IWS1: variants seen among roughly 807,000 people sequenced by gnomAD.
The protein encoded by IWS1 is protein IWS1 homolog.
In IWS1, 27 loss-of-function variants were observed where a neutral mutation model predicts 86.7. That is an observed-to-expected ratio of 0.31 (90% CI 0.23 to 0.43). The LOEUF (loss-of-function observed/expected upper bound fraction) is 0.43, where lower values mean the gene tolerates loss of function less well. Among genes scored for constraint, IWS1 ranks in the 20% least tolerant of loss-of-function variants. IWS1 has a pLI of 1.00. For missense variants in IWS1, 827 were observed against 1,000.8 expected, an observed-to-expected ratio of 0.83 and a Z score of 2.34; for synonymous variants, 313 against 335.1, an observed-to-expected ratio of 0.93 and a Z score of 0.72.
intron 2 of IWS1, among the ~76,000 whole-genome samples, chr2:127,512,533 C>T (rs2679409): frequency 0.87 from 132,682 of 152,254 alleles, 58,084 homozygotes; most frequent in East Asian, 1. Flanking sequence ...CTAGCCACAA[C>T]AATCATTCCT....
chr2:127,486,572 A>G lies in IWS1; in HGVS notation c.2309T>C (p.Val770Ala). 6.2e-7 allele frequency: 1 copy of G among 1,613,852 alleles called. No individual in the cohort carries two copies. Among genetic ancestry groups the G allele is most frequent in the Non-Finnish European group, 8.5e-7 (1 of 1,179,768 alleles). The change falls in exon 13 of 14, where the codon GTG becomes GCG. Residue 770 changes from valine to alanine, a missense_variant. Coordinates refer to ENST00000295321, the MANE Select transcript of IWS1 (RefSeq NM_017969.3). ...KDYVVRPKWN[V>A]EMESSRFQAT... ...GCTTACCCTGGATGACTCCATTTCC[A>G]CATTCCATTTGGGCCTGACAACATA...
At chr2:127,515,690 AC>A (rs1194717575) in intron 2 of IWS1, among the ~76,000 whole-genome samples, 1 of 152,222 alleles carries the variant, frequency 6.6e-6, no homozygotes, top group East Asian at 1.9e-4. Context: ...AATGGTCCTA[AC>A]GGCAAAGGGC....
intron 2 of IWS1, among the ~76,000 whole-genome samples, chr2:127,521,579 T>TA (rs1457746590): frequency 1.3e-4 from 20 of 152,178 alleles, no homozygotes; most frequent in Admixed American, 1.3e-3. Flanking sequence ...TCCAAACACT[T>TA]ACAGAGGTAA....
chr2:127,493,072 T>C (rs1371482256), intron 9 of IWS1: 1 of 395,856 alleles, frequency 2.5e-6, no homozygotes, highest in African/African-American at 2.1e-5. Flanking sequence ...TACTCTAAGA[T>C]TTTTTCCCTT....
chr2:127,520,296 G>A (rs938996204), intron 2 of IWS1, among the ~76,000 whole-genome samples: 1 of 152,094 alleles, frequency 6.6e-6, no homozygotes, highest in African/African-American at 2.4e-5. Flanking sequence ...AGCCTCCTAG[G>A]TAGCTGGGAC....
chr2:127,526,500 C>T (rs1369629972), upstream of IWS1: 2 of 1,503,774 alleles, frequency 1.3e-6, no homozygotes, highest in East Asian at 2.7e-5. Context: ...GCCCACGACC[C>T]TCAAAGGAAT....
chr2:127,482,333 C>G (rs1301253053), intron 13 of IWS1: 1 of 152,150 alleles, frequency 6.6e-6, no homozygotes, highest in Non-Finnish European at 1.5e-5. Flanking sequence ...CATTCTTGAC[C>G]AAGAGCCATG....
chr2:127,480,864 C>A lies in IWS1; in HGVS notation c.*180G>T. On this transcript the variant is annotated 3_prime_UTR_variant, in exon 14 of 14. Transcript: ENST00000295321. Reference sequence around the variant, plus strand: ...GTTTATAGAAGTATGACTAGTATTCCTTTGTACAAAGTACACAACGGTTTT... The same window carrying A: ...GTTTATAGAAGTATGACTAGTATTCATTTGTACAAAGTACACAACGGTTTT... 1 of 581,242 alleles carries A rather than the reference C, an allele frequency of 1.7e-6. No individual in the cohort carries two copies. The allele number at this position is 581,242 out of a possible 1,614,324, so 36.0% of individuals were successfully genotyped here. A position where few individuals can be genotyped will look rare whatever the true frequency, so the allele number is the denominator to read the frequency against.
At position 127,496,099 on chromosome 2, in the gene IWS1, T is replaced by G; in HGVS notation, c.1615A>C (p.Met539Leu). ...FEMMLQRKKS[M>L]SGKRRRNRDG... ...CGGTTCCGTCTGCGCTTGCCACTCA[T>G]GCTCTTTTTTCGCTGCAACATCATC... The change falls in exon 7 of 14, where the codon ATG becomes CTG. Residue 539 changes from methionine to leucine, a missense_variant. Met to Leu is a conservative substitution (Grantham distance 15). Around this residue, in one of 2 missense-constraint regions of IWS1, gnomAD observed 279 missense variants for 440.6 expected, o/e 0.63. Coordinates refer to ENST00000295321, the MANE Select transcript of IWS1 (RefSeq NM_017969.3). 1 of 1,614,044 alleles carries G rather than the reference T, an allele frequency of 6.2e-7. No homozygotes were observed. The highest frequency in any genetic ancestry group is 8.5e-7 in the Non-Finnish European group (1 of 1,180,000).
At chr2:127,511,722 G>A (rs750159702) in intron 2 of IWS1, among the ~76,000 whole-genome samples, 1 of 152,052 alleles carries the variant, frequency 6.6e-6, no homozygotes, top group South Asian at 2.1e-4. Context: ...AACCCCACAA[G>A]CAATGCTTAA....
intron 12 of IWS1, 47 bp from the exon 13 acceptor site, chr2:127,486,711 A>G: frequency 7.0e-7 from 1 of 1,429,752 alleles, no homozygotes; most frequent in Non-Finnish European, 9.9e-7. Context: ...GGCCAGCCAC[A>G]GTGGGGCACA....
chr2:127,483,583 T>TGGGGGGGGGG (rs1407597392), intron 13 of IWS1, among the ~76,000 whole-genome samples: 2 of 20,626 alleles, frequency 9.7e-5, no homozygotes, highest in Non-Finnish European at 8.9e-5. Context: ...GGGCGGGGGG[T>TGGGGGGGGGG]GGTGGGGTGG....
rs747473244 is a variant in IWS1 at position 127,489,238 on chromosome 2, GA to G, written c.2160-4del. On this transcript the variant is annotated splice_region_variant and splice_polypyrimidine_tract_variant and intron_variant, in intron 11 of 13. Transcript: ENST00000295321. This position sits in a 1 kb window ranked among gnomAD's most constrained non-coding sequence, Gnocchi z 4.8. ...TTCTGGGTGTCTGACCACCAGTGCT[GA>G]AAAAAAAGTAAACAAGGAGATACCA... 1.2e-5 allele frequency: 20 copies of G among 1,605,098 alleles called. No individual in the cohort carries two copies. Among genetic ancestry groups the G allele is most frequent in the African/African-American group, 1.1e-4 (8 of 74,284 alleles).
At chr2:127,510,734 G>A (rs931210459) in intron 2 of IWS1, among the ~76,000 whole-genome samples, 4 of 151,334 alleles carry the variant, frequency 2.6e-5, no homozygotes, top group East Asian at 1.9e-4. Flanking sequence ...TGATCCTTCC[G>A]CCTTGGCCTC....
chr2:127,523,213 A>C (rs1435201349), intron 2 of IWS1, among the ~76,000 whole-genome samples: 1 of 152,202 alleles, frequency 6.6e-6, no homozygotes, highest in African/African-American at 2.4e-5. Flanking sequence ...CTGTCTCAAA[A>C]AAAAAAGCAT....
At chr2:127,481,515 C>T (rs965534848) in intron 13 of IWS1, among the ~76,000 whole-genome samples, 1 of 152,146 alleles carries the variant, frequency 6.6e-6, no homozygotes, top group African/African-American at 2.4e-5. Flanking sequence ...ATGCGTTTCC[C>T]TTTCGAAGAC....
chr2:127,517,529 A>G (rs1471440546), intron 2 of IWS1, among the ~76,000 whole-genome samples: 1 of 152,214 alleles, frequency 6.6e-6, no homozygotes, highest in Non-Finnish European at 1.5e-5. Context: ...GGATAACTAG[A>G]CAGCCAATGC....
chr2:127,526,727 T>TGAAA, upstream of IWS1: 2 of 1,277,860 alleles, frequency 1.6e-6, no homozygotes, highest in Non-Finnish European at 2.1e-6. Context: ...GTGCCTTGTT[T>TGAAA]GAAGAGCTTT....
chr2:127,498,239 T>A lies in IWS1; in HGVS notation c.1468-2A>T, dbSNP rs763934305. ...TTCCAGATCTTCTTGGTTAAAACCCTAAATGCAAAATTATCACAACCTCCT... is the reference window on the plus strand; with the variant it reads ...TTCCAGATCTTCTTGGTTAAAACCCAAAATGCAAAATTATCACAACCTCCT... On this transcript the variant is annotated splice_acceptor_variant, in intron 5 of 13. Transcript: ENST00000295321. LOFTEE classifies it high-confidence loss of function. The A allele has an allele frequency of 6.2e-7, 1 of 1,603,878 alleles. No individual in the cohort carries two copies. Among genetic ancestry groups the A allele is most frequent in the Non-Finnish European group, 8.5e-7 (1 of 1,172,106 alleles).
Sources: allele counts gnomAD v4.1 joint callset (sites outside exome capture counted in the v4.1 genomes callset), GRCh38; gene constraint gnomAD v4.1.1; regional missense constraint gnomAD v4.1.1; non-coding constraint Gnocchi (gnomAD v3.1); transcripts MANE v1.5; gene names NCBI Gene and HGNC (gene_info 2026-07-23, HGNC 2026-07-21).